The following TNKS1BP1 variants were observed in gnomAD, a reference collection of about 807,000 sequenced individuals.
TNKS1BP1 encodes the protein CCR4-NOT transcription complex subunit 12, also known as 182 kDa tankyrase-1-binding protein.
Under a neutral mutation model 141.1 loss-of-function variants are expected in TNKS1BP1, and 48 were observed. That is an observed-to-expected ratio of 0.34 (90% CI 0.27 to 0.43). The LOEUF (loss-of-function observed/expected upper bound fraction) is 0.43, where lower values mean the gene tolerates loss of function less well. Ranked by LOEUF, TNKS1BP1 falls within the 20% of genes least tolerant of loss-of-function variation. TNKS1BP1 has a pLI of 1.00. For missense variants in TNKS1BP1, 2,149 were observed against 2,226.0 expected, an observed-to-expected ratio of 0.97 and a Z score of 0.70; for synonymous variants, 875 against 898.2, an observed-to-expected ratio of 0.97 and a Z score of 0.46.
chr11:57,314,559 C>T (rs979395740), intron 4 of TNKS1BP1, among the ~76,000 whole-genome samples: 6 of 152,308 alleles, frequency 3.9e-5, no homozygotes, highest in Non-Finnish European at 8.8e-5. Flanking sequence ...CTCAGCTTCC[C>T]CATCTGTACA....
Position 57,320,563 on chromosome 11 carries a change from T to C in TNKS1BP1, c.244A>G (p.Asn82Asp), listed in dbSNP as rs779827264. 3.1e-6 allele frequency: 5 copies of C among 1,614,064 alleles called. No individual in the cohort carries two copies. In the Admixed American group the frequency reaches 8.3e-5, roughly 27 times the overall value. The change falls in exon 3 of 12, where the codon AAC becomes GAC. Residue 82 changes from asparagine to aspartate, a missense_variant. Asn to Asp is a conservative substitution (Grantham distance 23). Coordinates refer to ENST00000358252, the MANE Select transcript of TNKS1BP1 (RefSeq NM_033396.3). ...LAELPSARKM[N>D]MLAGPQPYGG... Reference sequence around the variant, plus strand: ...TAGGGCTGGGGTCCTGCCAGCATGTTCATCTTCCTGGCAGAAGGCAACTCA... The same window carrying C: ...TAGGGCTGGGGTCCTGCCAGCATGTCCATCTTCCTGGCAGAAGGCAACTCA...
At chr11:57,318,803 C>T (rs184889542) in intron 3 of TNKS1BP1, among the ~76,000 whole-genome samples, 100 of 152,366 alleles carry the variant, frequency 6.6e-4, no homozygotes, top group Non-Finnish European at 1.2e-3. Context: ...GCAAATATCT[C>T]CAACCAGCCA....
chr11:57,308,358 T>C (rs1855644778), intron 6 of TNKS1BP1, 37 bp downstream of exon 6: 3 of 1,574,810 alleles, frequency 1.9e-6, no homozygotes, highest in Non-Finnish European at 2.6e-6. Context: ...CCTTCACATG[T>C]TCCCTCCCAC....
Position 57,302,804 on chromosome 11 carries a change from G to A in TNKS1BP1, c.4338C>T (p.Arg1446=). 1 of 1,539,670 alleles carries A rather than the reference G, an allele frequency of 6.5e-7. No homozygotes were observed. Among genetic ancestry groups the A allele is most frequent in the South Asian group, 1.2e-5 (1 of 82,962 alleles). Residue 1446 remains arginine (R), a synonymous_variant, in exon 7 of 12, where the codon CGC becomes CGT. Coordinates refer to ENST00000358252, the MANE Select transcript of TNKS1BP1 (RefSeq NM_033396.3). The surrounding 1 kb of genome is among the most constrained non-coding windows in gnomAD (Gnocchi z 5.5). ...GGCCCTGGGAGCCGGAGGGTGGGGG[G>A]CGGGCCGGGCACCTGCCAGGGCTGT... ...FGASPGRCPA[R]PPPSGSQGLL... is the part of the protein sequence containing the mutation.
chr11:57,301,180 G>A (rs751904282), intron 9 of TNKS1BP1, 139 bp from the exon 10 acceptor site: 1 of 912,680 alleles, frequency 1.1e-6, no homozygotes, highest in Non-Finnish European at 1.6e-6. Context: ...CCCAAAGGAT[G>A]GGAAGTCACT....
rs138323760 is a variant in TNKS1BP1 at position 57,316,893 on chromosome 11, C to T, written c.798+925G>A. 1.7e-3 allele frequency among the ~76,000 whole-genome samples: 257 copies of T among 152,330 alleles called. 2 individuals carry two copies. The highest frequency in any genetic ancestry group is 6.0e-3 in the African/African-American group (249 of 41,574). On this transcript the variant is annotated intron_variant, in intron 4 of 11. Coordinates refer to ENST00000358252, the MANE Select transcript of TNKS1BP1 (RefSeq NM_033396.3). ...AATGGCCTGTTGCTCTCACTGAAGC[C>T]AAAGTCTTTCTAGAGGCCTTCGAGA... is the stretch of plus-strand genomic sequence containing the variant.
In TNKS1BP1 at chr11:57,317,823, C is replaced by T; in HGVS notation, c.793G>A (p.Ala265Thr). The change falls in exon 4 of 12, where the codon GCT (alanine) becomes ACT (threonine). Residue 265 changes from alanine to threonine, a missense_variant. Coordinates refer to ENST00000358252, the MANE Select transcript of TNKS1BP1 (RefSeq NM_033396.3). ...LAKAASSELP[A>T]DISKPWIPSS... is the part of the protein sequence containing the mutation. ...ATAACTGGAGGATAACTCACATCAG[C>T]AGGTAGCTCCGAGCTGGCTGCCTTA... 6.2e-7 allele frequency: 1 copy of T among 1,613,802 alleles called. No homozygotes were observed. Among genetic ancestry groups the T allele is most frequent in the South Asian group, 1.1e-5 (1 of 91,072 alleles).
In TNKS1BP1 at chr11:57,320,607, G is replaced by C; in HGVS notation, c.200C>G (p.Pro67Arg). The change falls in exon 3 of 12, where the codon CCT (proline) becomes CGT (arginine). Residue 67 changes from proline (P) to arginine (R), a missense_variant. Physicochemically the swap from Pro to Arg is moderately radical, Grantham distance 103 (BLOSUM62 -2). Transcript: ENST00000358252. ...CAACTCAGCCAGGGGACCCCGGGGAGGCCGAGGCCCAACAGGCACCAGCAG... is the reference window on the plus strand; with the variant it reads ...CAACTCAGCCAGGGGACCCCGGGGACGCCGAGGCCCAACAGGCACCAGCAG... The part of the protein sequence containing the change: ...PSLLVPVGPR[P>R]PRGPLAELPS... 6.2e-7 allele frequency: 1 copy of C among 1,613,880 alleles called. No homozygotes were observed. Among genetic ancestry groups the C allele is most frequent in the Non-Finnish European group, 8.5e-7 (1 of 1,179,988 alleles).
At position 57,302,035 on chromosome 11, in the gene TNKS1BP1, G is replaced by C; in HGVS notation, c.4834+39C>G. 6.2e-7 allele frequency: 1 copy of C among 1,603,562 alleles called. No homozygotes were observed. The highest frequency in any genetic ancestry group is 8.5e-7 in the Non-Finnish European group (1 of 1,171,354). ...TGCAAAAGCTTGGCCTAATGCCCTAGAGATCAAGAGACATCACCAAATAAT... is the reference window on the plus strand; with the variant it reads ...TGCAAAAGCTTGGCCTAATGCCCTACAGATCAAGAGACATCACCAAATAAT... On this transcript the variant is annotated intron_variant, in intron 8 of 11. Coordinates refer to ENST00000358252, the MANE Select transcript of TNKS1BP1 (RefSeq NM_033396.3). This position sits in a 1 kb window ranked among gnomAD's most constrained non-coding sequence, Gnocchi z 5.5.
chr11:57,311,402 C>G (rs11228991), intron 5 of TNKS1BP1: 110,003 of 985,622 alleles, frequency 0.11, 8,059 homozygotes, highest in African/African-American at 0.35. Flanking sequence ...CTGCTGGGTG[C>G]GGCCAGCCGG....
intron 6 of TNKS1BP1, among the ~76,000 whole-genome samples, chr11:57,307,557 T>C (rs1390002465): frequency 1.3e-5 from 2 of 151,984 alleles, no homozygotes; most frequent in South Asian, 2.1e-4. Flanking sequence ...CTTCCACTTA[T>C]AAAAGCCCCT....
In TNKS1BP1 at chr11:57,309,229, C is replaced by A. The variant is rs1446072004; in HGVS notation, c.3482G>T (p.Trp1161Leu). The A allele has an allele frequency of 1.9e-6, 3 of 1,614,092 alleles. No individual in the cohort carries two copies. Among genetic ancestry groups the A allele is most frequent in the Non-Finnish European group, 2.5e-6 (3 of 1,180,046 alleles). ...GTTCCTGAGACCCAGCTGGTCAGTC[C>A]AGTCCACCGAGCCAGCTGTGGTCTT... is the stretch of plus-strand genomic sequence containing the variant. Reference protein sequence around the residue: ...PGKTTAGSVDWTDQLGLRNLE... With the variant: ...PGKTTAGSVDLTDQLGLRNLE... The change falls in exon 6 of 12, where the codon TGG becomes TTG. Residue 1161 changes from tryptophan (W) to leucine (L), a missense_variant. By Grantham distance (61) the Trp-to-Leu change is moderately conservative. Coordinates refer to ENST00000358252, the MANE Select transcript of TNKS1BP1 (RefSeq NM_033396.3). This position sits in a 1 kb window ranked among gnomAD's most constrained non-coding sequence, Gnocchi z 4.3.
At chr11:57,312,059 CT>C (rs1855720896) in intron 5 of TNKS1BP1, among the ~76,000 whole-genome samples, 3 of 152,190 alleles carry the variant, frequency 2.0e-5, no homozygotes, top group Non-Finnish European at 4.4e-5. Context: ...AAAAGTCACT[CT>C]TTTAAGGTCA....
intron 6 of TNKS1BP1, chr11:57,303,399 C>A (rs1855559806): frequency 6.6e-6 from 1 of 152,608 alleles, no homozygotes; most frequent in African/African-American, 2.4e-5. Flanking sequence ...GCTGCTCCCT[C>A]TTCTGGAAAG....
chr11:57,302,361 T>C lies in TNKS1BP1; in HGVS notation c.4683+98A>G. On this transcript the variant is annotated intron_variant, in intron 7 of 11. Transcript: ENST00000358252. The surrounding 1 kb of genome is among the most constrained non-coding windows in gnomAD (Gnocchi z 5.5). ...CGTGACGCACCTACAACCCGCTTTC[T>C]GCCTCCTGGACTGGGACTGCTCAGG... 6.5e-7 allele frequency: 1 copy of C among 1,540,956 alleles called. No homozygotes were observed. The highest frequency in any genetic ancestry group is 8.8e-7 in the Non-Finnish European group (1 of 1,141,922).
chr11:57,323,076 T>C (rs1384493136), intron 1 of TNKS1BP1, among the ~76,000 whole-genome samples: 5 of 152,152 alleles, frequency 3.3e-5, no homozygotes, highest in African/African-American at 1.2e-4. Flanking sequence ...TGAGGGGGCT[T>C]ACATGAAATA....
Position 57,301,873 on chromosome 11 carries a change from C to T in TNKS1BP1, c.4905G>A (p.Arg1635=), listed in dbSNP as rs1855529269. Residue 1635 remains arginine, a synonymous_variant, in exon 9 of 12, where the codon CGG becomes CGA. Coordinates refer to ENST00000358252, the MANE Select transcript of TNKS1BP1 (RefSeq NM_033396.3). The part of the protein sequence containing the change: ...VVEEPQSRRT[R]MSLGTKGLKV... The stretch of plus-strand genomic sequence containing the variant: ...TCAGCCCCTTGGTGCCCAACGACAT[C>T]CGTGTCCGGCGGCTCTGAGGTTCCT... The T allele has an allele frequency of 6.2e-7, 1 of 1,614,186 alleles. No individual in the cohort carries two copies. Among genetic ancestry groups the T allele is most frequent in the Non-Finnish European group, 8.5e-7 (1 of 1,180,036 alleles).
intron 5 of TNKS1BP1, 107 bp from the exon 6 acceptor site, chr11:57,310,663 T>A (rs1369304219): frequency 7.7e-6 from 11 of 1,433,324 alleles, no homozygotes; most frequent in Admixed American, 4.8e-5. Flanking sequence ...AGCCCCACTT[T>A]GGCAACAGAA....
At chr11:57,321,752 C>T (rs113905141) in intron 2 of TNKS1BP1, 40 bp downstream of exon 2, 5 of 1,473,770 alleles carry the variant, frequency 3.4e-6, no homozygotes, top group Non-Finnish European at 4.7e-6. Flanking sequence ...CTTCCCACCC[C>T]CCTCCCAGCC....
Sources: allele counts gnomAD v4.1 joint callset (sites outside exome capture counted in the v4.1 genomes callset), GRCh38; gene constraint gnomAD v4.1.1; non-coding constraint Gnocchi (gnomAD v3.1); transcripts MANE v1.5; gene names NCBI Gene and HGNC (gene_info 2026-07-23, HGNC 2026-07-21).